The following ABAT variants were observed in gnomAD, a reference collection of about 807,000 sequenced individuals.
ABAT encodes the protein 4-aminobutyrate aminotransferase, also known as 4-aminobutyrate aminotransferase, mitochondrial.
ABAT carries 45 observed loss-of-function variants against 64.6 expected under a neutral mutation model. The observed-to-expected ratio is 0.70, with a 90% CI of 0.55 to 0.89. ABAT has a LOEUF of 0.89. Among genes scored for constraint, ABAT ranks in the 40% least tolerant of loss-of-function variants. The pLI is 0.00. For missense variants in ABAT, 633 were observed against 658.4 expected, an observed-to-expected ratio of 0.96 and a Z score of 0.42; for synonymous variants, 297 against 250.5, an observed-to-expected ratio of 1.19 and a Z score of -1.75.
intron 1 of ABAT, among the ~76,000 whole-genome samples, chr16:8,726,148 T>C (rs1037560927): frequency 6.6e-6 from 1 of 152,188 alleles, no homozygotes; most frequent in Non-Finnish European, 1.5e-5. Context: ...ATTGATTTGA[T>C]TTTTAGATCC....
chr16:8,764,871 C>G lies in ABAT; in HGVS notation c.540+41C>G, dbSNP rs1404056944. The G allele has an allele frequency of 1.4e-6, 2 of 1,474,238 alleles. No homozygotes were observed. The highest frequency in any genetic ancestry group is 4.6e-5 in the East Asian group (2 of 43,904). The allele number at this position is 1,474,238 out of a possible 1,614,324, so 91.3% of individuals were successfully genotyped here. ...CACACACACACACACACACAGGCTCCCCAGCACCCAGCCACACGCTCACCC... is the reference window on the plus strand; with the variant it reads ...CACACACACACACACACACAGGCTCGCCAGCACCCAGCCACACGCTCACCC... On this transcript the variant is annotated intron_variant, in intron 8 of 15. Coordinates refer to ENST00000268251, the MANE Select transcript of ABAT (RefSeq NM_020686.6). The surrounding 1 kb of genome is among the most constrained non-coding windows in gnomAD (Gnocchi z 4.2).
chr16:8,764,878 C>T lies in ABAT; in HGVS notation c.540+48C>T, dbSNP rs890043703. 1 of 1,486,722 alleles carries T rather than the reference C, an allele frequency of 6.7e-7. No homozygotes were observed. Among genetic ancestry groups the T allele is most frequent in the Non-Finnish European group, 9.4e-7 (1 of 1,065,008 alleles). 92.1% of individuals were successfully genotyped at this position (1,486,722 alleles called of 1,614,324 possible). Reference sequence around the variant, plus strand: ...ACACACACACACAGGCTCCCCAGCACCCAGCCACACGCTCACCCCTTGTCT... The same window carrying T: ...ACACACACACACAGGCTCCCCAGCATCCAGCCACACGCTCACCCCTTGTCT... On this transcript the variant is annotated intron_variant, in intron 8 of 15. Coordinates refer to ENST00000268251, the MANE Select transcript of ABAT (RefSeq NM_020686.6). This position sits in a 1 kb window ranked among gnomAD's most constrained non-coding sequence, Gnocchi z 4.2.
chr16:8,731,114 C>A (rs1466014389), intron 1 of ABAT, among the ~76,000 whole-genome samples: 1 of 152,074 alleles, frequency 6.6e-6, no homozygotes, highest in Non-Finnish European at 1.5e-5. Flanking sequence ...AGGCGTGCAC[C>A]ACCACACCCA....
rs770819520 is a variant in ABAT at position 8,745,989 on chromosome 16, TG to T, written c.71-11del. The T allele has an allele frequency of 6.2e-7, 1 of 1,612,856 alleles. No homozygotes were observed. The stretch of plus-strand genomic sequence containing the variant: ...GTCACCAGGGATTTCTCATTGTCTT[TG>T]TTTACTGCAGGATCCAGACACATTA... On this transcript the variant is annotated splice_polypyrimidine_tract_variant and intron_variant, in intron 2 of 15. Coordinates refer to ENST00000268251, the MANE Select transcript of ABAT (RefSeq NM_020686.6).
chr16:8,771,751 G>T lies in ABAT; in HGVS notation c.817-1029G>T, dbSNP rs906414648. Among the ~76,000 whole-genome samples the T allele has an allele frequency of 2.0e-5, 3 of 152,200 alleles. No individual in the cohort carries two copies. The East Asian group carries it at 5.8e-4, about 29-fold the overall frequency. ...CCCAAAGTGCTAGGATTACAGGTGT[G>T]AGCCACCATGCCCAGCCTCTTTCTT... On this transcript the variant is annotated intron_variant, in intron 11 of 15. Transcript: ENST00000268251.
intron 1 of ABAT, among the ~76,000 whole-genome samples, chr16:8,708,132 C>A (rs769937107): frequency 5.9e-5 from 9 of 151,458 alleles, no homozygotes; most frequent in African/African-American, 9.7e-5. Context: ...TGAACTTGAT[C>A]ATTCCCTCTA....
At chr16:8,733,902 T>C (rs1296265102) in intron 1 of ABAT, among the ~76,000 whole-genome samples, 1 of 152,260 alleles carries the variant, frequency 6.6e-6, no homozygotes, top group Non-Finnish European at 1.5e-5. Context: ...TGACCTTTGG[T>C]GACTGGCTTA....
At chr16:8,728,842 C>G (rs2058634261) in intron 1 of ABAT, among the ~76,000 whole-genome samples, 1 of 152,182 alleles carries the variant, frequency 6.6e-6, no homozygotes, top group African/African-American at 2.4e-5. Flanking sequence ...CCACTGTACT[C>G]CAGCCTGGCA....
intron 5 of ABAT, among the ~76,000 whole-genome samples, chr16:8,753,116 C>G (rs1239531854): frequency 7.1e-6 from 1 of 141,070 alleles, no homozygotes; most frequent in African/African-American, 2.6e-5. Context: ...TTTTTTTAGA[C>G]GGAGTCTTGC....
intron 1 of ABAT, among the ~76,000 whole-genome samples, chr16:8,717,492 A>G (rs1195128619): frequency 6.6e-6 from 1 of 152,218 alleles, no homozygotes; most frequent in Non-Finnish European, 1.5e-5. Flanking sequence ...GTCTTAGAGC[A>G]TACTACCTGT....
In ABAT at chr16:8,696,565, C is replaced by T. The variant is rs569235025; in HGVS notation, c.-42+21854C>T. On this transcript the variant is annotated intron_variant, in intron 1 of 15. Coordinates refer to ENST00000268251, the MANE Select transcript of ABAT (RefSeq NM_020686.6). ...AAAGGAGGCAGAGGTTGCAGTGAGC[C>T]GAAGCTGTGGAGCCACTGTACTCCA... Among the ~76,000 whole-genome samples the T allele has an allele frequency of 7.9e-5, 12 of 152,132 alleles. No individual in the cohort carries two copies. In the South Asian group the frequency reaches 1.0e-3, roughly 13 times the overall value.
intron 1 of ABAT, chr16:8,721,081 A>G (rs8060892): frequency 0.13 from 19,243 of 152,210 alleles, 1,912 homozygotes; most frequent in East Asian, 0.56. Context: ...TATTACTCCC[A>G]TTTTACAGAT....
intron 1 of ABAT, among the ~76,000 whole-genome samples, chr16:8,686,108 G>A (rs181729836): frequency 1.1e-3 from 167 of 152,226 alleles, no homozygotes; most frequent in Middle Eastern, 0.01. Context: ...GCACCACCCC[G>A]GCAGGACAGG....
intron 1 of ABAT, among the ~76,000 whole-genome samples, chr16:8,733,117 C>CG (rs1287484813): frequency 7.0e-6 from 1 of 142,824 alleles, no homozygotes; most frequent in Non-Finnish European, 1.5e-5. Flanking sequence ...GCTGGCCGGG[C>CG]GGGGGGCTGA....
chr16:8,724,911 C>CTTTT (rs1567286898), intron 1 of ABAT, among the ~76,000 whole-genome samples: 2 of 114,812 alleles, frequency 1.7e-5, no homozygotes, highest in South Asian at 3.0e-4. Context: ...ACTCCAATAT[C>CTTTT]TCTTTTTTCT....
chr16:8,724,228 A>G (rs1321623869), intron 1 of ABAT, among the ~76,000 whole-genome samples: 3 of 152,258 alleles, frequency 2.0e-5, no homozygotes, highest in Non-Finnish European at 4.4e-5. Flanking sequence ...TGCACATAAC[A>G]GACATCACTA....
chr16:8,744,024 G>T (rs1298705212), intron 2 of ABAT, among the ~76,000 whole-genome samples: 3 of 152,200 alleles, frequency 2.0e-5, no homozygotes, highest in East Asian at 3.9e-4. Flanking sequence ...GCAACATGTG[G>T]AGCTAAAAAG....
chr16:8,759,763 C>T (rs12444233), intron 6 of ABAT, among the ~76,000 whole-genome samples: 71,388 of 151,978 alleles, frequency 0.47, 18,490 homozygotes, highest in Non-Finnish European at 0.58. Flanking sequence ...AGGCTGGTCT[C>T]GAACTCCTGG....
chr16:8,692,153 G>A (rs1418917750), intron 1 of ABAT, among the ~76,000 whole-genome samples: 1 of 152,154 alleles, frequency 6.6e-6, no homozygotes, highest in Non-Finnish European at 1.5e-5. Flanking sequence ...CGCCAAGGTG[G>A]GAGGATCACT....
Sources: allele counts gnomAD v4.1 joint callset (sites outside exome capture counted in the v4.1 genomes callset), GRCh38; gene constraint gnomAD v4.1.1; non-coding constraint Gnocchi (gnomAD v3.1); transcripts MANE v1.5; gene names NCBI Gene and HGNC (gene_info 2026-07-23, HGNC 2026-07-21).